The following CTTNBP2NL variants were observed in gnomAD, a reference collection of about 807,000 sequenced individuals.
CTTNBP2NL encodes CTTNBP2 N-terminal-like protein.
A neutral mutation model predicts 32.5 loss-of-function variants in CTTNBP2NL; 16 were observed. The observed-to-expected ratio is 0.49, with a 90% CI of 0.33 to 0.75. The LOEUF (loss-of-function observed/expected upper bound fraction) is 0.75. CTTNBP2NL is among the 30% of genes least tolerant of loss of function. The probability of loss-of-function intolerance (pLI) is 0.02; values close to 1 mark genes in which losing one functional copy is unlikely to be tolerated. For synonymous variants in CTTNBP2NL, 298 were observed against 289.4 expected (o/e 1.03, Z -0.30); for missense variants, 645 against 756.0 (o/e 0.85, Z 1.72).
chr1:112,436,167 C>CA (rs1649725210), intron 3 of CTTNBP2NL, among the ~76,000 whole-genome samples: 3 of 151,604 alleles, frequency 2.0e-5, no homozygotes, highest in Admixed American at 1.3e-4. Context: ...GTTTACTTTC[C>CA]AAAGTGGTAA....
At chr1:112,434,553 T>A (rs1321530273) in intron 3 of CTTNBP2NL, among the ~76,000 whole-genome samples, 1 of 152,206 alleles carries the variant, frequency 6.6e-6, no homozygotes, top group Non-Finnish European at 1.5e-5. Context: ...CTACTCATCT[T>A]ATATCCTAGA....
intron 3 of CTTNBP2NL, among the ~76,000 whole-genome samples, chr1:112,416,874 TA>T (rs1454608620): frequency 6.6e-6 from 1 of 152,270 alleles, no homozygotes; most frequent in East Asian, 1.9e-4. Flanking sequence ...AACTTCCTAA[TA>T]AATGTACATA....
chr1:112,408,537 A>G (rs2492510), intron 1 of CTTNBP2NL, among the ~76,000 whole-genome samples: 70,901 of 152,000 alleles, frequency 0.47, 18,330 homozygotes, highest in African/African-American at 0.7. Context: ...TTCTACCTCC[A>G]ATATGAGGTT....
At chr1:112,433,289 C>T (rs1366582876) in intron 3 of CTTNBP2NL, among the ~76,000 whole-genome samples, 2 of 151,932 alleles carry the variant, frequency 1.3e-5, no homozygotes, top group African/African-American at 4.8e-5. Flanking sequence ...TGCATGCGTG[C>T]GTTTTGTTTT....
Position 112,459,817 on chromosome 1 carries a change from A to T in CTTNBP2NL, c.*2405A>T, listed in dbSNP as rs1650495173. 1 of 152,226 alleles carries T rather than the reference A, an allele frequency of 6.6e-6. No homozygotes were observed. Among genetic ancestry groups the T allele is most frequent in the Non-Finnish European group, 1.5e-5 (1 of 68,042 alleles). The allele number at this position is 152,226 out of a possible 1,614,324, so 9.4% of individuals were successfully genotyped here. On this transcript the variant is annotated 3_prime_UTR_variant, in exon 6 of 6. Transcript: ENST00000271277. ...TTCCTTTGTTTTGGGATAGATATAT[A>T]TAGAGAGAGATACTATAAGGAAGTT...
intron 3 of CTTNBP2NL, among the ~76,000 whole-genome samples, chr1:112,426,207 C>A (rs1649392441): frequency 6.6e-6 from 1 of 151,934 alleles, no homozygotes. Context: ...TGGATTTTGT[C>A]ATGCTTTTTC....
intron 2 of CTTNBP2NL, among the ~76,000 whole-genome samples, chr1:112,413,508 G>T (rs1648949127): frequency 6.6e-6 from 1 of 152,092 alleles, no homozygotes; most frequent in Non-Finnish European, 1.5e-5. Context: ...CCCTTTCACA[G>T]ATTAGAAAAC....
At chr1:112,425,435 C>A (rs1356528351) in intron 3 of CTTNBP2NL, among the ~76,000 whole-genome samples, 1 of 152,130 alleles carries the variant, frequency 6.6e-6, no homozygotes, top group Non-Finnish European at 1.5e-5. Flanking sequence ...CGCGCCACCG[C>A]ACTCCAACCT....
rs576063038 is a variant in CTTNBP2NL at position 112,396,818 on chromosome 1, C to T, written c.-134+546C>T. On this transcript the variant is annotated intron_variant, in intron 1 of 5. Coordinates refer to ENST00000271277, the MANE Select transcript of CTTNBP2NL (RefSeq NM_018704.3). ...TTCTCCCACTTAAGTTCTTCCCATC[C>T]CCCATTCTCTGATGCTCAGTCTTCC... Among the ~76,000 whole-genome samples, 3 of 152,310 alleles carry T rather than the reference C, an allele frequency of 2.0e-5. No individual in the cohort carries two copies. The East Asian group carries it at 5.8e-4, about 29-fold the overall frequency.
At chr1:112,405,331 T>G in intron 1 of CTTNBP2NL, among the ~76,000 whole-genome samples, 1 of 152,170 alleles carries the variant, frequency 6.6e-6, no homozygotes, top group Non-Finnish European at 1.5e-5. Flanking sequence ...AGAGTCTTGC[T>G]CTGTCTCCCA....
At chr1:112,425,736 A>G (rs924354010) in intron 3 of CTTNBP2NL, among the ~76,000 whole-genome samples, 12 of 151,762 alleles carry the variant, frequency 7.9e-5, no homozygotes, top group African/African-American at 2.7e-4. Context: ...GGTAGCGTGC[A>G]TCTGTAACCC....
At chr1:112,443,856 T>C (rs1649964332) in intron 3 of CTTNBP2NL, among the ~76,000 whole-genome samples, 1 of 152,210 alleles carries the variant, frequency 6.6e-6, no homozygotes, top group Non-Finnish European at 1.5e-5. Flanking sequence ...ATCCAGAATG[T>C]TTGCTTTATT....
chr1:112,447,679 C>G (rs1286387985), intron 3 of CTTNBP2NL, among the ~76,000 whole-genome samples: 2 of 151,808 alleles, frequency 1.3e-5, no homozygotes, highest in Non-Finnish European at 2.9e-5. Context: ...GCTTTATTTT[C>G]TTAAAGTTTC....
chr1:112,394,339 T>A (rs1648259486), upstream of CTTNBP2NL, among the ~76,000 whole-genome samples: 1 of 152,160 alleles, frequency 6.6e-6, no homozygotes, highest in Non-Finnish European at 1.5e-5. Flanking sequence ...GATGAGGCAC[T>A]TCCTCATTGC....
chr1:112,449,609 T>G (rs1376503013), intron 4 of CTTNBP2NL, among the ~76,000 whole-genome samples: 4 of 151,954 alleles, frequency 2.6e-5, no homozygotes, highest in African/African-American at 9.7e-5. Flanking sequence ...GCCAATAGAT[T>G]ATTTTCATTT....
chr1:112,436,849 T>C (rs960509057), intron 3 of CTTNBP2NL, among the ~76,000 whole-genome samples: 4 of 152,170 alleles, frequency 2.6e-5, no homozygotes, highest in African/African-American at 9.7e-5. Flanking sequence ...CGTTCCTCTC[T>C]TGATGTCCAT....
intron 2 of CTTNBP2NL, among the ~76,000 whole-genome samples, chr1:112,413,083 A>G (rs1383843016): frequency 1.3e-5 from 2 of 152,220 alleles, no homozygotes; most frequent in Admixed American, 6.5e-5. Context: ...GTGACTCTGA[A>G]GATTGTTTTA....
chr1:112,427,953 T>C (rs144466946), intron 3 of CTTNBP2NL, among the ~76,000 whole-genome samples: 3 of 151,730 alleles, frequency 2.0e-5, no homozygotes, highest in African/African-American at 7.3e-5. Flanking sequence ...GGGTGGTATA[T>C]CCACATGATG....
intron 3 of CTTNBP2NL, among the ~76,000 whole-genome samples, chr1:112,424,010 G>GC (rs1649316291): frequency 6.6e-6 from 1 of 152,036 alleles, no homozygotes; most frequent in Non-Finnish European, 1.5e-5. Context: ...GGCATGAGCC[G>GC]CCGTGCCCAG....
Sources: gnomAD v4.1 joint callset for allele counts (sites outside exome capture counted in the v4.1 genomes callset) on GRCh38, gnomAD v4.1.1 for gene constraint, MANE v1.5 for transcripts, NCBI Gene and HGNC (gene_info 2026-07-23, HGNC 2026-07-21) for gene names.